The following ABCA4 variants were observed in gnomAD, a reference collection of about 807,000 sequenced individuals.
ABCA4 encodes retinal-specific phospholipid-transporting ATPase ABCA4.
Under a neutral mutation model 263.7 loss-of-function variants are expected in ABCA4, and 196 were observed. The observed-to-expected ratio is 0.74, with a 90% CI of 0.66 to 0.84. The LOEUF is 0.84. ABCA4 is among the 40% of genes least tolerant of loss of function. The pLI is 0.00. For synonymous variants in ABCA4, 1,133 were observed against 1,094.2 expected (o/e 1.04, Z -0.70); for missense variants, 2,792 against 2,855.1 (o/e 0.98, Z 0.50).
intron 30 of ABCA4, among the ~76,000 whole-genome samples, chr1:94,028,677 T>C (rs7550058): frequency 0.017 from 2,656 of 152,022 alleles, 85 homozygotes; most frequent in African/African-American, 0.06. Flanking sequence ...TAGGCAGAAG[T>C]GGGTAGATCA....
chr1:94,111,437 C>T lies in ABCA4; in HGVS notation c.302+1G>A, dbSNP rs61751413. ...TGCATGGTAGGGATCTCAACACTTA[C>T]ATGGAGTTGTTATAGTTTGACACAA... is the stretch of plus-strand genomic sequence containing the variant. On this transcript the variant is annotated splice_donor_variant, in intron 3 of 49. Coordinates refer to ENST00000370225, the MANE Select transcript of ABCA4 (RefSeq NM_000350.3). LOFTEE classifies it high-confidence loss of function. 7.4e-6 allele frequency: 12 copies of T among 1,613,792 alleles called. No individual in the cohort carries two copies. The African/African-American group carries it at 1.6e-4, about 22-fold the overall frequency.
At chr1:94,036,639 G>A (rs1660343856) in intron 26 of ABCA4, 101 bp downstream of exon 26, 1 of 1,311,470 alleles carries the variant, frequency 7.6e-7, no homozygotes, top group African/African-American at 1.5e-5. Flanking sequence ...AAATTGCTGG[G>A]ATTACAGGCA....
rs267598777 is a variant in ABCA4, at chr1:94,060,567, C to T, written c.2130G>A (p.Met710Ile). 3 of 1,614,166 alleles carry T rather than the reference C, an allele frequency of 1.9e-6. No homozygotes were observed. The highest frequency in any genetic ancestry group is 1.7e-5 in the Admixed American group (1 of 60,026). ...TGAATATCGTCAGGAGGAAGATGCT[C>T]ATCGACATGATGGAGAAGCTGTCCA... ...WFLDSFSIMS[M>I]SIFLLTIFIM... The change falls in exon 14 of 50, where the codon ATG becomes ATA. Residue 710 changes from methionine (M) to isoleucine (I), a missense_variant. Coordinates refer to ENST00000370225, the MANE Select transcript of ABCA4 (RefSeq NM_000350.3).
At chr1:94,037,641 A>G (rs1889548) in intron 24 of ABCA4, among the ~76,000 whole-genome samples, 1 of 151,876 alleles carries the variant, frequency 6.6e-6, no homozygotes. Flanking sequence ...TTCCTGTGCC[A>G]GTTCCTCCTC....
At chr1:94,090,904 G>A (rs1411094157) in intron 6 of ABCA4, among the ~76,000 whole-genome samples, 1 of 152,176 alleles carries the variant, frequency 6.6e-6, no homozygotes, top group African/African-American at 2.4e-5. Flanking sequence ...GACTTACAGG[G>A]AGGGAGCAGT....
At position 94,056,689 on chromosome 1, in the gene ABCA4, C is replaced by G. The variant is rs61749429; in HGVS notation, c.2294G>C (p.Ser765Thr). ...GTAGAGGGTGAAATAGATGACACCA[C>G]TACAGGCTGCTGCCAGACTGGCCTT... Reference protein sequence around the residue: ...FSKASLAAACSGVIYFTLYLP... With the variant: ...FSKASLAAACTGVIYFTLYLP... Residue 765 changes from serine to threonine, a missense_variant, in exon 15 of 50, where the codon AGT (serine) becomes ACT (threonine). Coordinates refer to ENST00000370225, the MANE Select transcript of ABCA4 (RefSeq NM_000350.3). The G allele has an allele frequency of 6.2e-7, 1 of 1,614,150 alleles. No individual in the cohort carries two copies. Among genetic ancestry groups the G allele is most frequent in the Non-Finnish European group, 8.5e-7 (1 of 1,180,016 alleles).
chr1:94,062,990 A>C (rs952876819), intron 12 of ABCA4, 122 bp downstream of exon 12: 3 of 1,135,544 alleles, frequency 2.6e-6, no homozygotes, highest in Non-Finnish European at 4.0e-6. Flanking sequence ...AAAATATCTT[A>C]TTTTTTCTTA....
chr1:94,075,370 T>A (rs937301063), intron 11 of ABCA4, among the ~76,000 whole-genome samples: 2 of 152,234 alleles, frequency 1.3e-5, no homozygotes, highest in East Asian at 3.9e-4. Flanking sequence ...AAATCCTGTT[T>A]TATAAAATGC....
In ABCA4 at chr1:94,030,460, A is replaced by G. The variant is rs2101034937; in HGVS notation, c.4320T>C (p.Phe1440=). 1 of 1,614,210 alleles carries G rather than the reference A, an allele frequency of 6.2e-7. No individual in the cohort carries two copies. The highest frequency in any genetic ancestry group is 8.5e-7 in the Non-Finnish European group (1 of 1,180,028). ...LADVLLNKPG[F]GNRCLKEGWL... ...ACCCTTCCTTCAGGCAGCGGTTGCC[A>G]AAGCCTGGCTTATTCAGGAGGACGT... Residue 1440 remains phenylalanine, a synonymous_variant, in exon 29 of 50, where the codon TTT becomes TTC. Coordinates refer to ENST00000370225, the MANE Select transcript of ABCA4 (RefSeq NM_000350.3).
chr1:94,083,555 G>T (rs766410365), intron 6 of ABCA4, 114 bp from the exon 7 acceptor site: 1 of 735,384 alleles, frequency 1.4e-6, no homozygotes, highest in Non-Finnish European at 2.3e-6. Flanking sequence ...CCTTCTTTCT[G>T]ATCGCAGGAT....
At chr1:94,109,140 G>C (rs1255102809) in intron 3 of ABCA4, among the ~76,000 whole-genome samples, 3 of 152,178 alleles carry the variant, frequency 2.0e-5, no homozygotes, top group African/African-American at 7.2e-5. Flanking sequence ...TTACAATACT[G>C]CCAAGGCAGG....
intron 6 of ABCA4, among the ~76,000 whole-genome samples, 189 bp downstream of exon 6, chr1:94,098,605 G>C (rs112311631): frequency 6.6e-6 from 1 of 152,162 alleles, no homozygotes; most frequent in Non-Finnish European, 1.5e-5. Context: ...ACCTCATAGT[G>C]ACTTCTGGGT....
chr1:94,088,777 C>CAA (rs1019744591), intron 6 of ABCA4, among the ~76,000 whole-genome samples: 1 of 152,090 alleles, frequency 6.6e-6, no homozygotes, highest in Non-Finnish European at 1.5e-5. Flanking sequence ...GACTGGAATC[C>CAA]AAAGAAGCTA....
At chr1:94,080,831 T>G in intron 7 of ABCA4, 113 bp from the exon 8 acceptor site, 1 of 1,473,528 alleles carries the variant, frequency 6.8e-7, no homozygotes, top group Admixed American at 1.8e-5. Context: ...AAAACATCCA[T>G]ATATTCTCAG....
intron 4 of ABCA4, among the ~76,000 whole-genome samples, chr1:94,103,435 G>A (rs1662340830): frequency 6.6e-6 from 1 of 152,210 alleles, no homozygotes; most frequent in African/African-American, 2.4e-5. Flanking sequence ...TCTCATTGAG[G>A]TGGGGCTGGG....
At position 94,112,993 on chromosome 1, in the gene ABCA4, G is replaced by A. The variant is rs143207212; in HGVS notation, c.140C>T (p.Pro47Leu). The A allele has an allele frequency of 5.5e-5, 88 of 1,613,688 alleles. No homozygotes were observed. In the African/African-American group the frequency reaches 8.3e-4, roughly 15 times the overall value. Residue 47 changes from proline (P) to leucine (L), a missense_variant, in exon 2 of 50, where the codon CCA becomes CTA. By Grantham distance (98) the Pro-to-Leu change is moderately conservative. Transcript: ENST00000370225. ...LVLIWLRNAN[P>L]LYSHHECHFP... ...CTTACATTCATGATGGCTGTAGAGTGGGTTGGCATTCCTTAACCAGATCAA... is the reference window on the plus strand; with the variant it reads ...CTTACATTCATGATGGCTGTAGAGTAGGTTGGCATTCCTTAACCAGATCAA...
At chr1:94,038,685 G>A (rs1471149607) in intron 24 of ABCA4, among the ~76,000 whole-genome samples, 1 of 152,136 alleles carries the variant, frequency 6.6e-6, no homozygotes, top group African/African-American at 2.4e-5. Flanking sequence ...CTTTTAGGAA[G>A]GAAATTGAAC....
intron 38 of ABCA4, 75 bp from the exon 39 acceptor site, chr1:94,011,460 T>C: frequency 6.2e-7 from 1 of 1,607,350 alleles, no homozygotes; most frequent in Non-Finnish European, 8.5e-7. Flanking sequence ...GGGGCCCAGA[T>C]GCTCTCACAG....
In ABCA4 at chr1:94,037,307, T is replaced by C; in HGVS notation, c.3651A>G (p.Pro1217=). ...CAATGCACTCCACCAGCTTTGCCTCTGGAACATGGTGGAGAACTACATCCA... is the reference window on the plus strand; with the variant it reads ...CAATGCACTCCACCAGCTTTGCCTCCGGAACATGGTGGAGAACTACATCCA... The part of the protein sequence containing the change: ...ELMDVVLHHV[P]EAKLVECIGQ... Residue 1217 remains proline (P), a synonymous_variant, in exon 25 of 50, where the codon CCA becomes CCG. Coordinates refer to ENST00000370225, the MANE Select transcript of ABCA4 (RefSeq NM_000350.3). 1 of 1,614,250 alleles carries C rather than the reference T, an allele frequency of 6.2e-7. No homozygotes were observed. The highest frequency in any genetic ancestry group is 1.1e-5 in the South Asian group (1 of 91,092).
Sources: allele counts gnomAD v4.1 joint callset (sites outside exome capture counted in the v4.1 genomes callset), GRCh38; gene constraint gnomAD v4.1.1; transcripts MANE v1.5; gene names NCBI Gene and HGNC (gene_info 2026-07-23, HGNC 2026-07-21).